Variants in DAB1 observed in about 807,000 individuals in gnomAD.
DAB1 encodes DAB adaptor protein 1, also known as disabled homolog 1.
A neutral mutation model predicts 64.6 loss-of-function variants in DAB1; 15 were observed. The observed-to-expected ratio is 0.23, with a 90% CI of 0.16 to 0.36. The LOEUF is 0.36. DAB1 is among the 10% of genes least tolerant of loss of function. The probability of loss-of-function intolerance (pLI) is 1.00; values close to 1 mark genes in which losing one functional copy is unlikely to be tolerated. For missense variants in DAB1, 596 were observed against 706.7 expected, an observed-to-expected ratio of 0.84 and a Z score of 1.78; for synonymous variants, 235 against 251.9, an observed-to-expected ratio of 0.93 and a Z score of 0.64.
intron 9 of DAB1, among the ~76,000 whole-genome samples, chr1:57,044,772 C>A (rs926582547): frequency 1.8e-4 from 27 of 152,088 alleles, no homozygotes; most frequent in African/African-American, 6.5e-4. Flanking sequence ...ACAAAGAAGA[C>A]AAAAAAAGTA....
chr1:57,909,413 T>G (rs1004876293), intron 5 of DAB1, among the ~76,000 whole-genome samples: 1 of 152,240 alleles, frequency 6.6e-6, no homozygotes, highest in African/African-American at 2.4e-5. Context: ...TATAATTTTA[T>G]AGCAGATTTC....
chr1:58,130,534 T>C (rs1462245614), intron 5 of DAB1, among the ~76,000 whole-genome samples: 9 of 152,144 alleles, frequency 5.9e-5, no homozygotes, highest in Non-Finnish European at 1.0e-4. Context: ...CGTTAGTTGA[T>C]GCAGTTTCTT....
intron 5 of DAB1, among the ~76,000 whole-genome samples, chr1:58,042,473 C>T (rs1647151198): frequency 6.6e-6 from 1 of 152,152 alleles, no homozygotes; most frequent in South Asian, 2.1e-4. Context: ...TAAGTTTCTA[C>T]TACATGCCAG....
chr1:57,169,879 C>T (rs78414868), intron 2 of DAB1, among the ~76,000 whole-genome samples: 6,768 of 152,114 alleles, frequency 0.044, 245 homozygotes, highest in South Asian at 0.13. Flanking sequence ...TATTTAAAGG[C>T]GAGCCCAATC....
At chr1:57,906,719 G>A (rs968140329) in intron 5 of DAB1, among the ~76,000 whole-genome samples, 1 of 152,120 alleles carries the variant, frequency 6.6e-6, no homozygotes, top group African/African-American at 2.4e-5. Flanking sequence ...TACCCGGGAG[G>A]AGAGAGAACC....
At chr1:57,742,574 A>C (rs1177487458) in intron 6 of DAB1, among the ~76,000 whole-genome samples, 1 of 152,142 alleles carries the variant, frequency 6.6e-6, no homozygotes, top group African/African-American at 2.4e-5. Flanking sequence ...CTGTGTAAAA[A>C]TACAAATATG....
intron 5 of DAB1, among the ~76,000 whole-genome samples, chr1:58,132,179 C>G (rs981830109): frequency 6.6e-6 from 1 of 152,112 alleles, no homozygotes; most frequent in African/African-American, 2.4e-5. Context: ...TTTTTAAGCC[C>G]GTCGGAAAAG....
chr1:58,409,901 G>A (rs547847525), intron 3 of DAB1, among the ~76,000 whole-genome samples: 126 of 152,228 alleles, frequency 8.3e-4, no homozygotes, highest in Non-Finnish European at 1.2e-3. Context: ...AAACAATCCC[G>A]TACTGTGGAA....
intron 5 of DAB1, among the ~76,000 whole-genome samples, chr1:58,045,046 T>C (rs910527453): frequency 1.3e-5 from 2 of 152,198 alleles, no homozygotes; most frequent in African/African-American, 2.4e-5. Context: ...GATGAAAACA[T>C]ACAATTGGAA....
chr1:57,161,280 G>A (rs1660720629), intron 2 of DAB1, among the ~76,000 whole-genome samples: 1 of 152,154 alleles, frequency 6.6e-6, no homozygotes, highest in African/African-American at 2.4e-5. Flanking sequence ...AACTAATACT[G>A]ATCAGATTCC....
At chr1:57,898,881 C>CGTGTGTGCGTGCGTGTATGT (rs1644432340) in intron 5 of DAB1, among the ~76,000 whole-genome samples, 1 of 151,972 alleles carries the variant, frequency 6.6e-6, no homozygotes. Flanking sequence ...TGCGTGTATG[C>CGTGTGTGCGTGCGTGTATGT]GCGTGCACAC....
intron 2 of DAB1, among the ~76,000 whole-genome samples, chr1:57,280,271 C>G: frequency 6.6e-6 from 1 of 152,194 alleles, no homozygotes; most frequent in African/African-American, 2.4e-5. Context: ...GCTCTTGCCT[C>G]TCCTCTGCCT....
intron 7 of DAB1, among the ~76,000 whole-genome samples, chr1:57,517,190 C>A (rs1486608817): frequency 1.3e-5 from 2 of 151,962 alleles, no homozygotes; most frequent in African/African-American, 4.8e-5. Flanking sequence ...GAGGCAGGGT[C>A]TTGCTCTGTT....
At chr1:57,562,947 G>A (rs1274674051) in intron 7 of DAB1, among the ~76,000 whole-genome samples, 1 of 152,138 alleles carries the variant, frequency 6.6e-6, no homozygotes, top group Non-Finnish European at 1.5e-5. Context: ...ACGGAGGTAA[G>A]GAAGAGTATA....
chr1:57,511,866 G>A lies in DAB1; in HGVS notation n.625+137726C>T, dbSNP rs185792115. Among the ~76,000 whole-genome samples the A allele has an allele frequency of 1.1e-4, 17 of 152,212 alleles. No homozygotes were observed. In the East Asian group the frequency reaches 2.9e-3, roughly 26 times the overall value. ...GAATCCAGCCTACACAGCAAATCCC[G>A]TGAGTTGCTATACCCCAGAAATTGG... On this transcript the variant is annotated intron_variant and non_coding_transcript_variant, in intron 7 of 20. Transcript: ENST00000485760.
chr1:57,443,925 T>G (rs2101138774), intron 7 of DAB1, among the ~76,000 whole-genome samples: 1 of 152,324 alleles, frequency 6.6e-6, no homozygotes, highest in Admixed American at 6.5e-5. Flanking sequence ...TAGACCCTGA[T>G]GATAACGTGT....
intron 3 of DAB1, among the ~76,000 whole-genome samples, chr1:58,490,795 C>CTTAACATTCT (rs1645669202): frequency 5.1e-5 from 3 of 59,244 alleles, no homozygotes; most frequent in Non-Finnish European, 8.9e-5. Flanking sequence ...AGTCAACATT[C>CTTAACATTCT]TTTTTTTTTT....
At chr1:58,133,452 C>T (rs1653761696) in intron 5 of DAB1, among the ~76,000 whole-genome samples, 1 of 152,168 alleles carries the variant, frequency 6.6e-6, no homozygotes, top group Non-Finnish European at 1.5e-5. Context: ...TAATCTCTGT[C>T]ATAGGGTCTT....
upstream of DAB1, among the ~76,000 whole-genome samples, chr1:57,427,303 G>A (rs1307590512): frequency 6.6e-6 from 1 of 152,200 alleles, no homozygotes; most frequent in Non-Finnish European, 1.5e-5. Context: ...CACTGTGGTA[G>A]GCATTGGGAA....
Sources: gnomAD v4.1 joint callset for allele counts (sites outside exome capture counted in the v4.1 genomes callset) on GRCh38, gnomAD v4.1.1 for gene constraint, MANE v1.5 for transcripts, NCBI Gene and HGNC (gene_info 2026-07-23, HGNC 2026-07-21) for gene names.